The following EYS variants were observed in gnomAD, a reference collection of about 807,000 sequenced individuals.
EYS encodes the protein EGF-like photoreceptor maintenance factor.
EYS carries 250 observed loss-of-function variants against 282.1 expected under a neutral mutation model. The ratio of observed to expected loss-of-function variants is 0.89; its 90% CI spans 0.80 to 0.98. The LOEUF is 0.98. Among genes scored for constraint, EYS ranks in the 50% least tolerant of loss-of-function variants. The pLI is 0.00. For synonymous variants in EYS, 1,355 were observed against 1,282.9 expected (o/e 1.06, Z -1.20); for missense variants, 4,016 against 3,709.0 (o/e 1.08, Z -2.15).
intron 35 of EYS, among the ~76,000 whole-genome samples, chr6:63,944,572 T>C (rs1765336759): frequency 6.6e-6 from 1 of 152,170 alleles, no homozygotes; most frequent in Non-Finnish European, 1.5e-5. Context: ...AGTTATCATT[T>C]TTGTGGTGAG....
intron 12 of EYS, among the ~76,000 whole-genome samples, chr6:65,186,915 A>G (rs903973212): frequency 6.6e-6 from 1 of 151,760 alleles, no homozygotes; most frequent in African/African-American, 2.4e-5. Context: ...AAATATGCTG[A>G]GGCAAGTAGA....
At chr6:64,177,661 A>AGGT (rs1764676279) in intron 31 of EYS, among the ~76,000 whole-genome samples, 1 of 152,152 alleles carries the variant, frequency 6.6e-6, no homozygotes, top group African/African-American at 2.4e-5. Context: ...CTGCTATGAG[A>AGGT]GGTGCTGTAA....
At chr6:65,187,387 AT>A (rs1765539729) in intron 12 of EYS, among the ~76,000 whole-genome samples, 1 of 151,650 alleles carries the variant, frequency 6.6e-6, no homozygotes, top group East Asian at 1.9e-4. Flanking sequence ...AATAGCACGC[AT>A]TTTTTCAACA....
At chr6:64,092,204 A>G (rs111851371) in intron 31 of EYS, among the ~76,000 whole-genome samples, 6,351 of 152,234 alleles carry the variant, frequency 0.042, 382 homozygotes, top group African/African-American at 0.13. Context: ...TAGTGCTGCA[A>G]TAAACATACG....
chr6:64,570,259 C>A (rs1291798220), intron 26 of EYS, among the ~76,000 whole-genome samples: 1 of 152,086 alleles, frequency 6.6e-6, no homozygotes, highest in Non-Finnish European at 1.5e-5. Context: ...TTTTGTCACC[C>A]CCAGGCCTGC....
At chr6:65,518,102 G>GGT (rs1767211073) in intron 2 of EYS, among the ~76,000 whole-genome samples, 5 of 151,972 alleles carry the variant, frequency 3.3e-5, no homozygotes, top group African/African-American at 1.2e-4. Flanking sequence ...TTTGATAAAT[G>GGT]AAGAAACTGA....
chr6:63,935,348 G>GACA (rs1765025534), intron 35 of EYS, among the ~76,000 whole-genome samples: 5 of 152,196 alleles, frequency 3.3e-5, no homozygotes. Context: ...TGCCCTCTTA[G>GACA]ACAGCACTTA....
intron 31 of EYS, among the ~76,000 whole-genome samples, chr6:64,091,707 AT>A (rs1267511576): frequency 1.3e-5 from 2 of 152,144 alleles, no homozygotes; most frequent in Non-Finnish European, 2.9e-5. Context: ...CAATTAATTA[AT>A]TCTTAAAATA....
intron 1 of EYS, among the ~76,000 whole-genome samples, chr6:65,695,232 A>G (rs1184291897): frequency 1.3e-5 from 2 of 152,060 alleles, no homozygotes; most frequent in Admixed American, 1.3e-4. Flanking sequence ...TAAAAATATC[A>G]ACCTCTGGGA....
intron 24 of EYS, among the ~76,000 whole-genome samples, chr6:64,599,460 C>T (rs2149837262): frequency 6.6e-6 from 1 of 151,962 alleles, no homozygotes; most frequent in East Asian, 1.9e-4. Flanking sequence ...ATTTGTATTC[C>T]TATCAATAAA....
At chr6:64,933,575 C>T (rs1247163455) in intron 15 of EYS, among the ~76,000 whole-genome samples, 2 of 152,036 alleles carry the variant, frequency 1.3e-5, no homozygotes, top group Admixed American at 6.6e-5. Context: ...GACAGTGTGG[C>T]GATTCCTCAA....
chr6:65,621,566 A>G (rs1032822425), intron 2 of EYS, among the ~76,000 whole-genome samples: 1 of 149,598 alleles, frequency 6.7e-6, no homozygotes. Flanking sequence ...TAAAGTTAAT[A>G]TTGTTATGTG....
chr6:64,876,180 A>G (rs898432727), intron 19 of EYS, among the ~76,000 whole-genome samples: 1 of 152,064 alleles, frequency 6.6e-6, no homozygotes, highest in Non-Finnish European at 1.5e-5. Flanking sequence ...AATGTTATAT[A>G]CTCACATATA....
chr6:65,129,660 TA>T (rs1775813254), intron 12 of EYS, among the ~76,000 whole-genome samples: 1 of 151,730 alleles, frequency 6.6e-6, no homozygotes, highest in African/African-American at 2.4e-5. Context: ...AGTGATAAAA[TA>T]ACAGGTTACC....
At chr6:63,893,517 G>GT (rs1477972345) in intron 35 of EYS, among the ~76,000 whole-genome samples, 1 of 152,150 alleles carries the variant, frequency 6.6e-6, no homozygotes, top group East Asian at 1.9e-4. Context: ...GTGAGTGGGA[G>GT]TTGAACAATG....
chr6:63,949,742 A>G lies in EYS; in HGVS notation c.7055+34641T>C, dbSNP rs76693239. On this transcript the variant is annotated intron_variant, in intron 35 of 42. Transcript: ENST00000503581. ...TAAATAATAAACTAACAAATATGGA[A>G]CTATTACTCCTAAAATAACAAGTTG... Among the ~76,000 whole-genome samples the G allele has an allele frequency of 3.4e-3, 519 of 152,362 alleles. 4 individuals carry two copies. The East Asian group carries it at 0.042, about 12-fold the overall frequency.
intron 2 of EYS, among the ~76,000 whole-genome samples, chr6:65,615,780 A>G (rs1172082998): frequency 1.3e-5 from 2 of 151,956 alleles, no homozygotes; most frequent in African/African-American, 4.8e-5. Context: ...TAAAAATACA[A>G]AAAATTAGCC....
chr6:65,619,064 A>C (rs2149800460), intron 2 of EYS, among the ~76,000 whole-genome samples: 1 of 151,992 alleles, frequency 6.6e-6, no homozygotes, highest in South Asian at 2.1e-4. Flanking sequence ...ATGAACTTTA[A>C]AGTAGTTTTT....
chr6:64,301,404 A>G (rs1483754805), intron 30 of EYS, among the ~76,000 whole-genome samples: 1 of 152,188 alleles, frequency 6.6e-6, no homozygotes, highest in African/African-American at 2.4e-5. Flanking sequence ...GCATAGACCC[A>G]GTCTATTCAA....
Sources: allele counts gnomAD v4.1 joint callset (sites outside exome capture counted in the v4.1 genomes callset), GRCh38; gene constraint gnomAD v4.1.1; transcripts MANE v1.5; gene names NCBI Gene and HGNC (gene_info 2026-07-23, HGNC 2026-07-21).